The following SOX6 variants were observed in gnomAD, a reference collection of about 807,000 sequenced individuals.
SOX6 encodes the protein transcription factor SOX-6.
SOX6 carries 11 observed loss-of-function variants against 97.8 expected under a neutral mutation model. That is an observed-to-expected ratio of 0.11 (90% confidence interval 0.07 to 0.19). The LOEUF (loss-of-function observed/expected upper bound fraction) is 0.19. Among genes scored for constraint, SOX6 ranks in the 10% least tolerant of loss-of-function variants. The pLI, the probability that SOX6 is intolerant of heterozygous loss-of-function variation, is 1.00. For synonymous variants in SOX6, 360 were observed against 371.4 expected (o/e 0.97, Z 0.35); for missense variants, 810 against 1,039.5 (o/e 0.78, Z 3.04).
chr11:16,088,396 T>G (rs907948459), intron 9 of SOX6, among the ~76,000 whole-genome samples: 4 of 152,140 alleles, frequency 2.6e-5, no homozygotes, highest in African/African-American at 9.7e-5. Context: ...ACCATTATAC[T>G]CTCATACAGA....
intron 4 of SOX6, among the ~76,000 whole-genome samples, chr11:16,536,557 G>A (rs1046787433): frequency 2.0e-5 from 3 of 152,206 alleles, no homozygotes; most frequent in Non-Finnish European, 4.4e-5. Flanking sequence ...GCCAAGGGAA[G>A]CCGTGACAGA....
chr11:16,076,770 G>A (rs886564932), intron 9 of SOX6, among the ~76,000 whole-genome samples: 1 of 119,814 alleles, frequency 8.3e-6, no homozygotes, highest in African/African-American at 3.3e-5. Context: ...TTTTTGAGAC[G>A]GAGTCTCTCT....
At chr11:16,651,151 C>T (rs1219002986) in intron 3 of SOX6, among the ~76,000 whole-genome samples, 1 of 151,926 alleles carries the variant, frequency 6.6e-6, no homozygotes, top group African/African-American at 2.4e-5. Flanking sequence ...AAAAGAAAGT[C>T]CAGGACCAAA....
intron 1 of SOX6, among the ~76,000 whole-genome samples, chr11:16,474,750 C>T (rs1184310846): frequency 3.3e-5 from 5 of 152,142 alleles, no homozygotes; most frequent in Non-Finnish European, 7.3e-5. Context: ...GCATTGGCTT[C>T]GACTTAAATT....
intron 2 of SOX6, among the ~76,000 whole-genome samples, chr11:16,732,482 G>A (rs375875668): frequency 1.3e-5 from 2 of 152,088 alleles, no homozygotes; most frequent in Admixed American, 6.6e-5. Context: ...AACAAGCAAC[G>A]GGGAAAGGAT....
chr11:16,275,826 A>G (rs1854383742), intron 3 of SOX6, among the ~76,000 whole-genome samples: 1 of 152,212 alleles, frequency 6.6e-6, no homozygotes, highest in East Asian at 1.9e-4. Flanking sequence ...TCCTCAGATC[A>G]GGAAGTGAAT....
chr11:16,594,962 G>A (rs1848195407), intron 4 of SOX6, among the ~76,000 whole-genome samples: 1 of 152,030 alleles, frequency 6.6e-6, no homozygotes, highest in Non-Finnish European at 1.5e-5. Context: ...GAAGTGCTGG[G>A]ATTACAGGCG....
At chr11:16,571,341 C>T (rs1847935922) in intron 4 of SOX6, among the ~76,000 whole-genome samples, 1 of 152,084 alleles carries the variant, frequency 6.6e-6, no homozygotes, top group South Asian at 2.1e-4. Flanking sequence ...GCAATATTAC[C>T]CCCCTATGCA....
intron 3 of SOX6, among the ~76,000 whole-genome samples, chr11:16,626,705 T>C (rs1848627987): frequency 6.6e-6 from 1 of 152,226 alleles, no homozygotes; most frequent in South Asian, 2.1e-4. Context: ...AGATCATCTT[T>C]AAATTTTCTC....
chr11:16,719,474 C>A (rs1410044598), intron 2 of SOX6, among the ~76,000 whole-genome samples: 1 of 152,158 alleles, frequency 6.6e-6, no homozygotes, highest in Non-Finnish European at 1.5e-5. Context: ...ATCAGTTTTG[C>A]CTGCTTCCAA....
chr11:16,497,623 G>A (rs1213950157), intron 4 of SOX6, among the ~76,000 whole-genome samples: 1 of 152,154 alleles, frequency 6.6e-6, no homozygotes, highest in African/African-American at 2.4e-5. Flanking sequence ...AGTCCTTAAA[G>A]GACCTGACAG....
intron 4 of SOX6, among the ~76,000 whole-genome samples, chr11:16,500,095 C>G (rs1207673128): frequency 6.6e-6 from 1 of 152,166 alleles, no homozygotes; most frequent in Non-Finnish European, 1.5e-5. Context: ...AGCAGCACAT[C>G]AAAAAGCTTA....
chr11:16,728,220 G>A (rs958878145), intron 2 of SOX6, among the ~76,000 whole-genome samples: 2 of 152,180 alleles, frequency 1.3e-5, no homozygotes, highest in Non-Finnish European at 1.5e-5. Context: ...CATAGCACTC[G>A]AGCTCTGCTA....
chr11:16,292,738 C>T (rs1411198971), intron 3 of SOX6, among the ~76,000 whole-genome samples: 2 of 152,142 alleles, frequency 1.3e-5, no homozygotes, highest in East Asian at 1.9e-4. Context: ...CTTCTCTACC[C>T]GACAAGGTCA....
chr11:16,441,184 T>C (rs1590204836), intron 1 of SOX6, among the ~76,000 whole-genome samples: 3 of 152,266 alleles, frequency 2.0e-5, no homozygotes, highest in East Asian at 3.9e-4. Flanking sequence ...CAGTTAGACA[T>C]GTACACTCAG....
At chr11:16,323,750 T>C (rs1479981733) in intron 2 of SOX6, among the ~76,000 whole-genome samples, 2 of 152,174 alleles carry the variant, frequency 1.3e-5, no homozygotes, top group African/African-American at 4.8e-5. Flanking sequence ...ATTTTGCATG[T>C]AATTGTCATA....
chr11:16,573,432 T>C (rs1374363762), intron 4 of SOX6, among the ~76,000 whole-genome samples: 5 of 152,214 alleles, frequency 3.3e-5, no homozygotes, highest in Non-Finnish European at 7.3e-5. Flanking sequence ...CAAATGGAAA[T>C]GGCTAAACTT....
chr11:16,612,423 G>A (rs1219757114), intron 3 of SOX6, among the ~76,000 whole-genome samples: 2 of 152,098 alleles, frequency 1.3e-5, no homozygotes, highest in African/African-American at 4.8e-5. Context: ...TTAAAATAAG[G>A]CCAAAGACCA....
intron 3 of SOX6, among the ~76,000 whole-genome samples, chr11:16,308,284 G>C (rs1379545857): frequency 6.6e-6 from 1 of 152,160 alleles, no homozygotes; most frequent in Non-Finnish European, 1.5e-5. Flanking sequence ...TAGTTTAAAA[G>C]AGAAAAGTAA....
Sources: gnomAD v4.1 joint callset for allele counts (sites outside exome capture counted in the v4.1 genomes callset) on GRCh38, gnomAD v4.1.1 for gene constraint, MANE v1.5 for transcripts, NCBI Gene and HGNC (gene_info 2026-07-23, HGNC 2026-07-21) for gene names.